DGKB: variants seen among roughly 807,000 people sequenced by gnomAD.
DGKB encodes the protein diacylglycerol kinase beta.
A neutral mutation model predicts 114.3 loss-of-function variants in DGKB; 67 were observed. The ratio of observed to expected loss-of-function variants is 0.59; its 90% CI spans 0.48 to 0.72. The LOEUF (loss-of-function observed/expected upper bound fraction) is 0.72. Ranked by LOEUF, DGKB falls within the 30% of genes least tolerant of loss-of-function variation. DGKB has a pLI of 0.00. For synonymous variants in DGKB, 398 were observed against 323.1 expected, an observed-to-expected ratio of 1.23 and a Z score of -2.49; for missense variants, 907 against 975.2, an observed-to-expected ratio of 0.93 and a Z score of 0.93.
Position 14,149,028 on chromosome 7 carries a change from T to C in DGKB, c.*103A>G. On this transcript the variant is annotated 3_prime_UTR_variant, in exon 26 of 26. Coordinates refer to ENST00000402815, the MANE Select transcript of DGKB (RefSeq NM_001350709.2). Reference sequence around the variant, plus strand: ...AAAAACTGTTAAACCACTTCCATGATTTTGCATGAGCAGGAGACTTGAAAT... The same window carrying C: ...AAAAACTGTTAAACCACTTCCATGACTTTGCATGAGCAGGAGACTTGAAAT... 1 of 1,011,228 alleles carries C rather than the reference T, an allele frequency of 9.9e-7. No individual in the cohort carries two copies. The highest frequency in any genetic ancestry group is 2.4e-5 in the East Asian group (1 of 41,350). The allele number at this position is 1,011,228 out of a possible 1,614,324, so 62.6% of individuals were successfully genotyped here.
rs1476729651 is a variant in DGKB at position 14,613,387 on chromosome 7, T to C, written c.1311A>G (p.Pro437=). 1.9e-6 allele frequency: 3 copies of C among 1,569,458 alleles called. No individual in the cohort carries two copies. Among genetic ancestry groups the C allele is most frequent in the Non-Finnish European group, 1.7e-6 (2 of 1,155,358 alleles). The part of the protein sequence containing the change: ...LQVTPVPGTH[P]LLVFVNPKSG... ...TTTTGGGGTTCACAAAAACTAAAAGTGGGTGAGTACCAGGCACAGGAGTGA... is the reference window on the plus strand; with the variant it reads ...TTTTGGGGTTCACAAAAACTAAAAGCGGGTGAGTACCAGGCACAGGAGTGA... The change falls in exon 16 of 26, where the codon CCA becomes CCG. Residue 437 remains proline (P), a synonymous_variant. Transcript: ENST00000402815.
At chr7:14,943,657 T>C (rs1243124402) in intron 1 of DGKB, among the ~76,000 whole-genome samples, 2 of 125,830 alleles carry the variant, frequency 1.6e-5, no homozygotes, top group Non-Finnish European at 3.7e-5. Flanking sequence ...CACATATATA[T>C]ATCTCCTGTG....
At chr7:14,766,352 AG>A (rs1586332550) in intron 2 of DGKB, among the ~76,000 whole-genome samples, 2 of 152,076 alleles carry the variant, frequency 1.3e-5, no homozygotes, top group East Asian at 3.9e-4. Context: ...GTGGTGGAGT[AG>A]GAAAGATGAA....
At chr7:14,311,586 C>A (rs920398307) in intron 23 of DGKB, among the ~76,000 whole-genome samples, 1 of 152,020 alleles carries the variant, frequency 6.6e-6, no homozygotes, top group Non-Finnish European at 1.5e-5. Flanking sequence ...CCATGCCTGG[C>A]GAACTTCTTT....
chr7:14,534,416 A>C (rs979183864), intron 20 of DGKB, among the ~76,000 whole-genome samples: 2 of 152,156 alleles, frequency 1.3e-5, no homozygotes, highest in Non-Finnish European at 2.9e-5. Flanking sequence ...ACAGACAAAA[A>C]ACAATGGACA....
chr7:14,761,646 A>T (rs1040997099), intron 2 of DGKB, among the ~76,000 whole-genome samples: 8 of 152,216 alleles, frequency 5.3e-5, no homozygotes, highest in African/African-American at 1.9e-4. Flanking sequence ...ACGTGGCCTC[A>T]GTCATAATTC....
chr7:14,581,516 C>T (rs1799927621), intron 18 of DGKB, among the ~76,000 whole-genome samples: 1 of 152,202 alleles, frequency 6.6e-6, no homozygotes, highest in Admixed American at 6.5e-5. Flanking sequence ...ACAACGAGAT[C>T]AGCAGGTTTT....
At chr7:14,677,690 G>A (rs760252262) in intron 12 of DGKB, among the ~76,000 whole-genome samples, 1 of 151,938 alleles carries the variant, frequency 6.6e-6, no homozygotes, top group Admixed American at 6.6e-5. Context: ...AGAAAACACA[G>A]TTTCAGAAGA....
chr7:14,330,037 A>G (rs193057751), intron 23 of DGKB, among the ~76,000 whole-genome samples: 19 of 152,166 alleles, frequency 1.2e-4, no homozygotes, highest in Non-Finnish European at 2.2e-4. Context: ...ATCAAGGTCT[A>G]CAGAACATAC....
rs1280479715 is a variant in DGKB, at chr7:14,694,159, A to G, written c.627T>C (p.Asp209=). The part of the protein sequence containing the change: ...LHEMMEEIDY[D]HDGTVSLEEW... ...CCTCCAGAGACACGGTTCCATCATG[A>G]TCATAGTCAATTTCTTCCATCATTT... is the stretch of plus-strand genomic sequence containing the variant. Residue 209 remains aspartate (D), a synonymous_variant, in exon 9 of 26, where the codon GAT becomes GAC. Transcript: ENST00000402815. The G allele has an allele frequency of 6.3e-7, 1 of 1,582,668 alleles. No individual in the cohort carries two copies. Among genetic ancestry groups the G allele is most frequent in the South Asian group, 1.2e-5 (1 of 86,578 alleles).
chr7:14,577,885 C>T (rs902090782), intron 19 of DGKB, among the ~76,000 whole-genome samples: 1 of 152,156 alleles, frequency 6.6e-6, no homozygotes, highest in Non-Finnish European at 1.5e-5. Flanking sequence ...GAATGAAGTA[C>T]TTTCTTCTAC....
At chr7:14,180,038 A>G (rs1584284964) in intron 23 of DGKB, among the ~76,000 whole-genome samples, 1 of 152,132 alleles carries the variant, frequency 6.6e-6, no homozygotes, top group Non-Finnish European at 1.5e-5. Flanking sequence ...CATTTCTTAG[A>G]TATATGTCAA....
At chr7:14,157,594 G>A (rs10261702) in intron 25 of DGKB, among the ~76,000 whole-genome samples, 80 of 152,228 alleles carry the variant, frequency 5.3e-4, no homozygotes, top group African/African-American at 1.8e-3. Flanking sequence ...GAAAGTGATG[G>A]ACTATTTGGC....
chr7:14,541,593 G>A (rs1793460922), intron 20 of DGKB, among the ~76,000 whole-genome samples: 1 of 152,184 alleles, frequency 6.6e-6, no homozygotes, highest in African/African-American at 2.4e-5. Flanking sequence ...TAGATTGATA[G>A]TTATTTTTAG....
intron 3 of DGKB, among the ~76,000 whole-genome samples, chr7:14,757,438 TTTATG>T (rs1835044123): frequency 6.6e-6 from 1 of 152,190 alleles, no homozygotes; most frequent in Middle Eastern, 3.4e-3. Context: ...CTTCATTTTG[TTTATG>T]TTATGATACA....
chr7:14,571,691 G>A (rs1798407150), intron 20 of DGKB, among the ~76,000 whole-genome samples: 2 of 152,300 alleles, frequency 1.3e-5, no homozygotes, highest in East Asian at 3.9e-4. Context: ...ACGAAAGAAA[G>A]GCCAGATTAT....
intron 2 of DGKB, among the ~76,000 whole-genome samples, chr7:14,822,115 A>C (rs577012192): frequency 5.3e-5 from 8 of 152,216 alleles, no homozygotes; most frequent in Non-Finnish European, 8.8e-5. Context: ...AAAGGGATTA[A>C]ATAATGCATT....
intron 21 of DGKB, among the ~76,000 whole-genome samples, chr7:14,418,126 A>AG (rs199719852): frequency 0.019 from 1,618 of 84,114 alleles, 15 homozygotes; most frequent in Non-Finnish European, 0.031. Flanking sequence ...TAGAGTTTTT[A>AG]AAAATATATA....
intron 19 of DGKB, among the ~76,000 whole-genome samples, chr7:14,575,816 A>C (rs1172857936): frequency 6.6e-6 from 1 of 152,198 alleles, no homozygotes; most frequent in Non-Finnish European, 1.5e-5. Flanking sequence ...GCCAGAGGCT[A>C]TGAGTCCTCA....
Sources: allele counts gnomAD v4.1 joint callset (sites outside exome capture counted in the v4.1 genomes callset), GRCh38; gene constraint gnomAD v4.1.1; transcripts MANE v1.5; gene names NCBI Gene and HGNC (gene_info 2026-07-23, HGNC 2026-07-21).